DENND1A: variants seen among roughly 807,000 people sequenced by gnomAD.
DENND1A encodes DENN domain-containing protein 1A.
Under a neutral mutation model 113.7 loss-of-function variants are expected in DENND1A, and 51 were observed. The observed-to-expected ratio is 0.45, with a 90% confidence interval of 0.36 to 0.57. The LOEUF is 0.57. DENND1A is among the 20% of genes least tolerant of loss of function. The pLI is 0.00. For synonymous variants in DENND1A, 565 were observed against 570.8 expected (o/e 0.99, Z 0.14); for missense variants, 1,258 against 1,395.9 (o/e 0.90, Z 1.57).
At chr9:123,420,793 C>T (rs569205541) in intron 19 of DENND1A, among the ~76,000 whole-genome samples, 10 of 143,130 alleles carry the variant, frequency 7.0e-5, no homozygotes, top group African/African-American at 2.3e-4. Context: ...ACAAAAGCAG[C>T]GAGGCAGCTG....
chr9:123,607,518 C>CAGAG (rs1564807608), intron 11 of DENND1A, among the ~76,000 whole-genome samples: 6 of 77,630 alleles, frequency 7.7e-5, no homozygotes, highest in African/African-American at 2.5e-4. Flanking sequence ...CACACACACA[C>CAGAG]ACAGAGAGAG....
At chr9:123,591,029 C>T (rs1217987068) in intron 11 of DENND1A, among the ~76,000 whole-genome samples, 4 of 152,136 alleles carry the variant, frequency 2.6e-5, no homozygotes, top group Admixed American at 2.6e-4. Context: ...TTTTTCAATT[C>T]AAGCCCTCTT....
chr9:123,557,225 G>T (rs2057469975), intron 13 of DENND1A, among the ~76,000 whole-genome samples: 1 of 152,224 alleles, frequency 6.6e-6, no homozygotes, highest in African/African-American at 2.4e-5. Flanking sequence ...TTTGTAAAGT[G>T]GAGCTGATCA....
At chr9:123,894,519 C>T (rs890581892) in intron 1 of DENND1A, among the ~76,000 whole-genome samples, 2 of 152,106 alleles carry the variant, frequency 1.3e-5, no homozygotes, top group African/African-American at 2.4e-5. Flanking sequence ...AAACAAAATG[C>T]TGTGGGTTTG....
intron 2 of DENND1A, among the ~76,000 whole-genome samples, chr9:123,835,552 T>C (rs1840925779): frequency 6.6e-6 from 1 of 151,280 alleles, no homozygotes; most frequent in Non-Finnish European, 1.5e-5. Context: ...ATTTCAAAAA[T>C]CAAAGGATCC....
At chr9:123,800,101 A>G (rs527435818) in intron 2 of DENND1A, among the ~76,000 whole-genome samples, 2 of 152,272 alleles carry the variant, frequency 1.3e-5, no homozygotes, top group East Asian at 3.9e-4. Flanking sequence ...TTTTCTCTAC[A>G]TTGTCAGTAG....
At chr9:123,678,410 A>T (rs2064229649) in intron 5 of DENND1A, among the ~76,000 whole-genome samples, 1 of 152,202 alleles carries the variant, frequency 6.6e-6, no homozygotes, top group African/African-American at 2.4e-5. Context: ...AAATTTTCCA[A>T]AGCTACATCT....
chr9:123,415,534 G>A (rs1295636861), intron 19 of DENND1A, among the ~76,000 whole-genome samples: 1 of 152,226 alleles, frequency 6.6e-6, no homozygotes, highest in Non-Finnish European at 1.5e-5. Flanking sequence ...GGACAGGTGA[G>A]CAGCTGGATT....
chr9:123,716,480 C>T lies in DENND1A; in HGVS notation c.303-39691G>A, dbSNP rs960895013. 5.3e-5 allele frequency among the ~76,000 whole-genome samples: 8 copies of T among 152,164 alleles called. No homozygotes were observed. The East Asian group carries it at 1.2e-3, about 22-fold the overall frequency. On this transcript the variant is annotated intron_variant, in intron 5 of 23. Transcript: ENST00000394215. Reference sequence around the variant, plus strand: ...ACAGCTGCCTTGAAAGCTGGAAGACCGCTGTAGTCACAGTCCATCAGTTTC... The same window carrying T: ...ACAGCTGCCTTGAAAGCTGGAAGACTGCTGTAGTCACAGTCCATCAGTTTC...
chr9:123,681,395 A>G (rs1466606814), intron 5 of DENND1A, among the ~76,000 whole-genome samples: 1 of 152,006 alleles, frequency 6.6e-6, no homozygotes, highest in Non-Finnish European at 1.5e-5. Context: ...AGGAAGGGGC[A>G]GCAGCAGCTC....
intron 10 of DENND1A, among the ~76,000 whole-genome samples, chr9:123,611,837 A>G (rs934044737): frequency 3.9e-5 from 6 of 152,250 alleles, no homozygotes; most frequent in African/African-American, 1.4e-4. Flanking sequence ...TTGTCCTACA[A>G]TAAAAATCAA....
At chr9:123,636,338 A>G (rs1198321272) in intron 9 of DENND1A, among the ~76,000 whole-genome samples, 1 of 149,378 alleles carries the variant, frequency 6.7e-6, no homozygotes, top group Non-Finnish European at 1.5e-5. Context: ...TTTTTTTGAG[A>G]TGGAGTCTCG....
At chr9:123,600,754 C>T (rs1230499147) in intron 11 of DENND1A, among the ~76,000 whole-genome samples, 1 of 151,920 alleles carries the variant, frequency 6.6e-6, no homozygotes, top group African/African-American at 2.4e-5. Flanking sequence ...TCGCTTGAAC[C>T]CAGGAGGCGG....
intron 2 of DENND1A, among the ~76,000 whole-genome samples, chr9:123,827,829 T>C (rs755480570): frequency 3.3e-5 from 5 of 152,032 alleles, no homozygotes; most frequent in African/African-American, 7.2e-5. Context: ...AAACCCCTAA[T>C]TGGGAAGGAA....
In DENND1A at chr9:123,571,899, G is replaced by A. The variant is rs574429280; in HGVS notation, c.867+11270C>T. Among the ~76,000 whole-genome samples the A allele has an allele frequency of 1.1e-4, 16 of 152,286 alleles. No homozygotes were observed. The East Asian group carries it at 1.9e-3, about 18-fold the overall frequency. On this transcript the variant is annotated intron_variant, in intron 12 of 23. Coordinates refer to ENST00000394215, the MANE Select transcript of DENND1A (RefSeq NM_001352964.2). ...AACTGTTTTCCAAAGTGGTTGTACC[G>A]TATTGTACTCCCATCAGCCGTGATG...
intron 11 of DENND1A, among the ~76,000 whole-genome samples, chr9:123,605,788 G>T (rs2060129249): frequency 1.3e-5 from 2 of 152,098 alleles, no homozygotes; most frequent in Non-Finnish European, 2.9e-5. Flanking sequence ...TTCTTTTTGT[G>T]CAACAAATTT....
intron 12 of DENND1A, among the ~76,000 whole-genome samples, chr9:123,563,820 T>C (rs976695050): frequency 1.3e-5 from 2 of 152,202 alleles, no homozygotes; most frequent in African/African-American, 4.8e-5. Flanking sequence ...ATTTGCACCT[T>C]TGTCTTCTAC....
At chr9:123,571,729 T>C (rs945429575) in intron 12 of DENND1A, among the ~76,000 whole-genome samples, 1 of 152,248 alleles carries the variant, frequency 6.6e-6, no homozygotes, top group Non-Finnish European at 1.5e-5. Flanking sequence ...TTACTTTCAG[T>C]TATTGTTCTC....
chr9:123,656,254 G>A (rs1425549285), intron 8 of DENND1A, among the ~76,000 whole-genome samples: 3 of 152,090 alleles, frequency 2.0e-5, no homozygotes, highest in Middle Eastern at 3.2e-3. Context: ...GGGCGGGGAG[G>A]GAGAGCAGGG....
Sources: allele counts gnomAD v4.1 joint callset (sites outside exome capture counted in the v4.1 genomes callset), GRCh38; gene constraint gnomAD v4.1.1; transcripts MANE v1.5; gene names NCBI Gene and HGNC (gene_info 2026-07-23, HGNC 2026-07-21).